Variants in ITGB6 observed in about 807,000 individuals in gnomAD.
ITGB6 encodes integrin subunit beta 6.
In ITGB6, 80 loss-of-function variants were observed where a neutral mutation model predicts 84.5. That is an observed-to-expected ratio of 0.95 (90% CI 0.79 to 1.14). The LOEUF is 1.14. Ranked by LOEUF, ITGB6 falls within the 50% of genes most tolerant of loss-of-function variation. ITGB6 has a pLI of 0.00. For synonymous variants in ITGB6, 383 were observed against 354.9 expected, an observed-to-expected ratio of 1.08 and a Z score of -0.89; for missense variants, 1,006 against 968.0, an observed-to-expected ratio of 1.04 and a Z score of -0.52.
chr2:160,195,530 G>A lies in ITGB6; in HGVS notation c.432C>T (p.Ser144=), dbSNP rs753917483. 1 of 1,614,162 alleles carries A rather than the reference G, an allele frequency of 6.2e-7. No homozygotes were observed. The highest frequency in any genetic ancestry group is 8.5e-7 in the Non-Finnish European group (1 of 1,180,020). ...DLYYLMDLSA[S]MDDDLNTIKE... The stretch of plus-strand genomic sequence containing the variant: ...TTATTGTGTTGAGGTCGTCATCCAT[G>A]GAGGCGGAGAGGTCCATGAGGTAAT... The change falls in exon 4 of 15, where the codon TCC becomes TCT. Residue 144 remains serine (S), a synonymous_variant. Coordinates refer to ENST00000283249, the MANE Select transcript of ITGB6 (RefSeq NM_000888.5).
At chr2:160,195,325 C>T in intron 4 of ITGB6, 44 bp downstream of exon 4, 2 of 1,611,548 alleles carry the variant, frequency 1.2e-6, no homozygotes, top group Non-Finnish European at 1.7e-6. Flanking sequence ...AGTATCTCCA[C>T]AGAAAATCAG....
chr2:160,142,919 C>A (rs975403937), intron 7 of ITGB6, among the ~76,000 whole-genome samples: 1 of 152,192 alleles, frequency 6.6e-6, no homozygotes, highest in Non-Finnish European at 1.5e-5. Flanking sequence ...GATAGACATA[C>A]CTGTCTTCTT....
In ITGB6 at chr2:160,101,113, T is replaced by A. The variant is rs2105764575; in HGVS notation, c.*623A>T. 1 of 152,322 alleles carries A rather than the reference T, an allele frequency of 6.6e-6. No individual in the cohort carries two copies. The highest frequency in any genetic ancestry group is 1.9e-4 in the East Asian group (1 of 5,190). The allele number at this position is 152,322 out of a possible 1,614,324, so 9.4% of individuals were successfully genotyped here. On this transcript the variant is annotated 3_prime_UTR_variant, in exon 15 of 15. Transcript: ENST00000283249. ...TCTTAATTTATAAATTACTTATTCC[T>A]TATTTGTAAAACAAATAAAATATTT...
At chr2:160,126,022 C>T (rs1215962621) in intron 11 of ITGB6, among the ~76,000 whole-genome samples, 1 of 152,184 alleles carries the variant, frequency 6.6e-6, no homozygotes, top group Admixed American at 6.5e-5. Context: ...AAGCTACTGA[C>T]TGCATGTGGG....
rs568392024 is a variant in ITGB6 at position 160,136,551 on chromosome 2, G to A, written c.1660+883C>T. 6.6e-5 allele frequency among the ~76,000 whole-genome samples: 10 copies of A among 152,298 alleles called. No homozygotes were observed. The South Asian group carries it at 1.2e-3, about 19-fold the overall frequency. ...TTTGACCCAGCCATCCCATTACTGG[G>A]TATATACCCAAAGGATTAGAAACCA... On this transcript the variant is annotated intron_variant, in intron 10 of 14. Coordinates refer to ENST00000283249, the MANE Select transcript of ITGB6 (RefSeq NM_000888.5).
intron 7 of ITGB6, among the ~76,000 whole-genome samples, chr2:160,145,964 G>A (rs562921666): frequency 6.6e-6 from 1 of 152,204 alleles, no homozygotes; most frequent in South Asian, 2.1e-4. Flanking sequence ...TCCTTGCTGG[G>A]TACCTTGATT....
At chr2:160,159,419 T>A (rs1684740536) in intron 7 of ITGB6, among the ~76,000 whole-genome samples, 1 of 152,162 alleles carries the variant, frequency 6.6e-6, no homozygotes, top group Non-Finnish European at 1.5e-5. Context: ...CATTAGGTTT[T>A]TAAATCTATA....
chr2:160,101,216 T>C lies in ITGB6; in HGVS notation c.*520A>G, dbSNP rs1457846728. 1.3e-5 allele frequency: 2 copies of C among 153,244 alleles called. No individual in the cohort carries two copies. The highest frequency in any genetic ancestry group is 4.8e-5 in the African/African-American group (2 of 41,476). 9.5% of individuals were successfully genotyped at this position (153,244 alleles called of 1,614,324 possible). Reference sequence around the variant, plus strand: ...CTTTCAACCTTATATTTGAGATATCTTCAGAAGAATTGCAACCTTTTAGCT... The same window carrying C: ...CTTTCAACCTTATATTTGAGATATCCTCAGAAGAATTGCAACCTTTTAGCT... On this transcript the variant is annotated 3_prime_UTR_variant, in exon 15 of 15. Transcript: ENST00000283249.
At chr2:160,197,604 A>C (rs1269058797) in intron 2 of ITGB6, among the ~76,000 whole-genome samples, 1 of 152,226 alleles carries the variant, frequency 6.6e-6, no homozygotes, top group Non-Finnish European at 1.5e-5. Context: ...TGCTGTTTTC[A>C]TCAACTAGGA....
chr2:160,130,195 G>A (rs1443094422), intron 10 of ITGB6, among the ~76,000 whole-genome samples: 1 of 152,036 alleles, frequency 6.6e-6, no homozygotes, highest in Non-Finnish European at 1.5e-5. Flanking sequence ...TGTGTATCTA[G>A]ACATAGAAAA....
At position 160,107,731 on chromosome 2, in the gene ITGB6, C is replaced by T. The variant is rs757115141; in HGVS notation, c.2216G>A (p.Arg739His). The change falls in exon 14 of 15, where the codon CGT becomes CAT. Residue 739 changes from arginine (R) to histidine (H), a missense_variant. Physicochemically the swap from Arg to His is conservative, Grantham distance 29. Transcript: ENST00000283249. ...IWKLLVSFHDRKEVAKFEAER... is the reference protein window; with the variant it reads ...IWKLLVSFHDHKEVAKFEAER... Reference sequence around the variant, plus strand: ...TGCTTCAAATTTGGCAACTTCTTTACGATCATGAAATGACACCAGTAGCTT... The same window carrying T: ...TGCTTCAAATTTGGCAACTTCTTTATGATCATGAAATGACACCAGTAGCTT... The T allele has an allele frequency of 1.3e-5, 21 of 1,613,928 alleles. No homozygotes were observed. The highest frequency in any genetic ancestry group is 8.3e-5 in the Admixed American group (5 of 59,988).
chr2:160,160,464 C>T (rs1363189765), intron 7 of ITGB6, among the ~76,000 whole-genome samples: 1 of 152,118 alleles, frequency 6.6e-6, no homozygotes, highest in African/African-American at 2.4e-5. Flanking sequence ...TCAAGCTCAA[C>T]AAATAATGAT....
chr2:160,184,830 T>C (rs1198021131), intron 4 of ITGB6, among the ~76,000 whole-genome samples: 1 of 152,072 alleles, frequency 6.6e-6, no homozygotes, highest in African/African-American at 2.4e-5. Context: ...TCAACATACA[T>C]AAATCAATAA....
intron 4 of ITGB6, among the ~76,000 whole-genome samples, chr2:160,186,301 C>CA (rs1232367981): frequency 8.7e-5 from 13 of 148,688 alleles, no homozygotes; most frequent in African/African-American, 3.2e-4. Flanking sequence ...AAAAAGTCGG[C>CA]AAAGGATATG....
At chr2:160,127,322 C>G (rs1683279744) in intron 10 of ITGB6, among the ~76,000 whole-genome samples, 1 of 152,126 alleles carries the variant, frequency 6.6e-6, no homozygotes. Context: ...AGCCTGCTAC[C>G]TGGACGCTTC....
At chr2:160,111,977 G>T in intron 13 of ITGB6, 103 bp downstream of exon 13, 1 of 1,157,420 alleles carries the variant, frequency 8.6e-7, no homozygotes, top group Non-Finnish European at 1.2e-6. Context: ...TCAAAATTTT[G>T]GAAATGTCTT....
chr2:160,123,332 G>T (rs1352493333), intron 12 of ITGB6, among the ~76,000 whole-genome samples: 6 of 152,112 alleles, frequency 3.9e-5, no homozygotes, highest in Non-Finnish European at 7.4e-5. Flanking sequence ...AGGAAAAATG[G>T]CCACTAACCA....
chr2:160,140,949 A>G (rs529796067), intron 8 of ITGB6, among the ~76,000 whole-genome samples: 1 of 152,246 alleles, frequency 6.6e-6, no homozygotes, highest in East Asian at 1.9e-4. Context: ...GAAGTCCTTC[A>G]AAGACGTCTG....
intron 7 of ITGB6, among the ~76,000 whole-genome samples, chr2:160,160,219 C>T (rs1051440550): frequency 2.0e-5 from 3 of 152,100 alleles, no homozygotes; most frequent in Admixed American, 6.6e-5. Context: ...TGTAGATAGG[C>T]GGCCAGATAA....
Sources: gnomAD v4.1 joint callset for allele counts (sites outside exome capture counted in the v4.1 genomes callset) on GRCh38, gnomAD v4.1.1 for gene constraint, MANE v1.5 for transcripts, NCBI Gene and HGNC (gene_info 2026-07-23, HGNC 2026-07-21) for gene names.